Variants in CTAGE1 observed in about 807,000 individuals in gnomAD.
CTAGE1 encodes cTAGE family member 2.
For synonymous variants in CTAGE1, 332 were observed against 302.8 expected, an observed-to-expected ratio of 1.10 and a Z score of -1.00; for missense variants, 963 against 855.9, an observed-to-expected ratio of 1.13 and a Z score of -1.56.
Position 22,415,501 on chromosome 18 carries a change from G to C in CTAGE1, c.*73C>G. Reference sequence around the variant, plus strand: ...GGGCAAACATGTTGTTAGGTTTCTTGCTGTCGTTCTGGATGTTCAGCAGCA... The same window carrying C: ...GGGCAAACATGTTGTTAGGTTTCTTCCTGTCGTTCTGGATGTTCAGCAGCA... On this transcript the variant is annotated 3_prime_UTR_variant, in exon 1 of 1. Transcript: ENST00000391403. 1 of 1,245,142 alleles carries C rather than the reference G, an allele frequency of 8.0e-7. No homozygotes were observed. Among genetic ancestry groups the C allele is most frequent in the Non-Finnish European group, 1.1e-6 (1 of 885,694 alleles). The allele number at this position is 1,245,142 out of a possible 1,614,324, so 77.1% of individuals were successfully genotyped here. A position where few individuals can be genotyped will look rare whatever the true frequency, so the allele number is the denominator to read the frequency against.
Position 22,416,442 on chromosome 18 carries a change from A to C in CTAGE1, c.1370T>G (p.Leu457Ter). The part of the protein sequence containing the change: ...RKENAHNRQK[L>*]TEIEFKIKLL... ...TTTTATTTTAAACTCTATTTCAGTTAATTTTTGTCTGTTGTGAGCATTTTC... is the reference window on the plus strand; with the variant it reads ...TTTTATTTTAAACTCTATTTCAGTTCATTTTTGTCTGTTGTGAGCATTTTC... The change falls in exon 1 of 1, where the codon TTA becomes TGA. Residue 457 changes from leucine (L) to a stop codon, truncating the protein, a stop_gained. Transcript: ENST00000391403. LOFTEE classifies it low-confidence loss of function (END_TRUNC). 6.2e-7 allele frequency: 1 copy of C among 1,613,776 alleles called. No individual in the cohort carries two copies. Among genetic ancestry groups the C allele is most frequent in the African/African-American group, 1.3e-5 (1 of 74,970 alleles).
chr18:22,414,909 C>A lies in CTAGE1; in HGVS notation c.*665G>T, dbSNP rs2034992021. ...GGAAGGAAAGGGAGGGCGAAGAAACCATTCTTGAGGAAAACAGAGGAAACA... is the reference window on the plus strand; with the variant it reads ...GGAAGGAAAGGGAGGGCGAAGAAACAATTCTTGAGGAAAACAGAGGAAACA... On this transcript the variant is annotated 3_prime_UTR_variant, in exon 1 of 1. Transcript: ENST00000391403. The A allele has an allele frequency of 1.5e-6, 1 of 663,626 alleles. No individual in the cohort carries two copies. Among genetic ancestry groups the A allele is most frequent in the Non-Finnish European group, 2.7e-6 (1 of 371,436 alleles). The allele number at this position is 663,626 out of a possible 1,614,324, so 41.1% of individuals were successfully genotyped here.
At position 22,416,009 on chromosome 18, in the gene CTAGE1, A is replaced by T. The variant is rs557252098; in HGVS notation, c.1803T>A (p.Ala601=). The change falls in exon 1 of 1, where the codon GCT becomes GCA. Residue 601 remains alanine, a synonymous_variant. Coordinates refer to ENST00000391403, the MANE Select transcript of CTAGE1 (RefSeq NM_172241.3). The part of the protein sequence containing the change: ...QRQDRFYSNC[A]RLSGPAELRS... ...TGAGTTCTGCTGGTCCAGAGAGTCT[A>T]GCACAATTAGAATAAAATCTGTCTT... is the stretch of plus-strand genomic sequence containing the variant. The T allele has an allele frequency of 1.2e-6, 2 of 1,613,974 alleles. No individual in the cohort carries two copies. Among genetic ancestry groups the T allele is most frequent in the East Asian group, 2.2e-5 (1 of 44,878 alleles).
rs557602643 is a variant in CTAGE1 at position 22,416,559 on chromosome 18, T to C, written c.1253A>G (p.Tyr418Cys). The change falls in exon 1 of 1, where the codon TAT (tyrosine) becomes TGT (cysteine). Residue 418 changes from tyrosine to cysteine, a missense_variant. Coordinates refer to ENST00000391403, the MANE Select transcript of CTAGE1 (RefSeq NM_172241.3). Reference sequence around the variant, plus strand: ...CTCATGGAGAATAATCTTCTTTTGATAAAAATGAATAGTTTTCTCAAATTC... The same window carrying C: ...CTCATGGAGAATAATCTTCTTTTGACAAAAATGAATAGTTTTCTCAAATTC... ...LKEFEKTIHF[Y>C]QKKIILHEKK... 1 of 1,610,592 alleles carries C rather than the reference T, an allele frequency of 6.2e-7. No homozygotes were observed.
In CTAGE1 at chr18:22,416,949, T is replaced by C. The variant is rs773083330; in HGVS notation, c.863A>G (p.His288Arg). The C allele has an allele frequency of 6.2e-7, 1 of 1,614,058 alleles. No individual in the cohort carries two copies. Among genetic ancestry groups the C allele is most frequent in the South Asian group, 1.1e-5 (1 of 91,072 alleles). Residue 288 changes from histidine to arginine, a missense_variant, in exon 1 of 1, where the codon CAT (histidine) becomes CGT (arginine). Coordinates refer to ENST00000391403, the MANE Select transcript of CTAGE1 (RefSeq NM_172241.3). ...TAAGGAAGCATTTAACTTAGCAGCA[T>C]GAATCAGTTTCTTCAAAGCTCCTTT... ...PPKGALKKLI[H>R]AAKLNASLKT... is the part of the protein sequence containing the mutation.
rs1478935485 is a variant in CTAGE1 at position 22,414,670 on chromosome 18, A to G, written c.*904T>C. 3 of 702,580 alleles carry G rather than the reference A, an allele frequency of 4.3e-6. No individual in the cohort carries two copies. The African/African-American group carries it at 5.2e-5, about 12-fold the overall frequency. The allele number at this position is 702,580 out of a possible 1,614,324, so 43.5% of individuals were successfully genotyped here. A position where few individuals can be genotyped will look rare whatever the true frequency, so the allele number is the denominator to read the frequency against. On this transcript the variant is annotated 3_prime_UTR_variant, in exon 1 of 1. Transcript: ENST00000391403. The stretch of plus-strand genomic sequence containing the variant: ...TCCTTCCCCTTGCCACAGCAAGAGA[A>G]AAGCAGAACATAAAACTAAAACTAT...
In CTAGE1 at chr18:22,414,415, T is replaced by C; in HGVS notation, c.*1159A>G. 2.1e-6 allele frequency: 1 copy of C among 484,862 alleles called. No individual in the cohort carries two copies. The highest frequency in any genetic ancestry group is 3.6e-6 in the Non-Finnish European group (1 of 275,584). 30.0% of individuals were successfully genotyped at this position (484,862 alleles called of 1,614,324 possible). A position where few individuals can be genotyped will look rare whatever the true frequency, so the allele number is the denominator to read the frequency against. ...CATTCAAGCAGAGACTGGAGTGGCA[T>C]TAACTGCTAGGGGAGGCATGTGAGC... On this transcript the variant is annotated 3_prime_UTR_variant, in exon 1 of 1. Transcript: ENST00000391403.
chr18:22,414,464 G>A lies in CTAGE1; in HGVS notation c.*1110C>T. ...GCTAGGATGCTTTTTAAAAGTGAGG[G>A]CAGGTTGTCCCCAAAAGAAGCAATG... On this transcript the variant is annotated 3_prime_UTR_variant, in exon 1 of 1. Coordinates refer to ENST00000391403, the MANE Select transcript of CTAGE1 (RefSeq NM_172241.3). The A allele has an allele frequency of 1.8e-6, 1 of 569,616 alleles. No individual in the cohort carries two copies. The highest frequency in any genetic ancestry group is 3.1e-6 in the Non-Finnish European group (1 of 323,084). 35.3% of individuals were successfully genotyped at this position (569,616 alleles called of 1,614,324 possible).
chr18:22,415,266 G>T lies in CTAGE1; in HGVS notation c.*308C>A. On this transcript the variant is annotated 3_prime_UTR_variant, in exon 1 of 1. Transcript: ENST00000391403. ...CTCCCACCATTCTTTATATAATAGT[G>T]GATTAATCAAATTAAAAGTTATACT... 3.4e-6 allele frequency: 1 copy of T among 293,772 alleles called. No individual in the cohort carries two copies. The allele number at this position is 293,772 out of a possible 1,614,324, so 18.2% of individuals were successfully genotyped here.
rs2034982886 is a variant in CTAGE1, at chr18:22,414,264, A to G, written c.*1310T>C. ...TTCCACTAGCAAATAGGGCTTTAAC[A>G]GAACAGAAGCATAAAGTAGCTGAGG... On this transcript the variant is annotated 3_prime_UTR_variant, in exon 1 of 1. Transcript: ENST00000391403. 2 of 162,886 alleles carry G rather than the reference A, an allele frequency of 1.2e-5. No individual in the cohort carries two copies. The highest frequency in any genetic ancestry group is 1.9e-4 in the South Asian group (1 of 5,242). The allele number at this position is 162,886 out of a possible 1,614,324, so 10.1% of individuals were successfully genotyped here.
Position 22,415,874 on chromosome 18 carries a change from A to G in CTAGE1, c.1938T>C (p.Asp646=), listed in dbSNP as rs772549754. The G allele has an allele frequency of 5.0e-6, 8 of 1,613,968 alleles. No homozygotes were observed. The South Asian group carries it at 8.8e-5, about 18-fold the overall frequency. The change falls in exon 1 of 1, where the codon GAT becomes GAC. Residue 646 remains aspartate, a synonymous_variant. Coordinates refer to ENST00000391403, the MANE Select transcript of CTAGE1 (RefSeq NM_172241.3). ...KDNLGNLKVP[D]SSLPAENEAT... ...CTTCATTTTCAGCGGGGAGAGATGA[A>G]TCAGGCACCTTTAAATTACCAAGAT...
chr18:22,417,848 C>T lies in CTAGE1; in HGVS notation c.-37G>A. 1 of 1,604,016 alleles carries T rather than the reference C, an allele frequency of 6.2e-7. No individual in the cohort carries two copies. Among genetic ancestry groups the T allele is most frequent in the Non-Finnish European group, 8.5e-7 (1 of 1,170,974 alleles). On this transcript the variant is annotated 5_prime_UTR_variant, in exon 1 of 1. Transcript: ENST00000391403. ...GTGCTGCCACAACCCTGCGTAGCAACTCCAGGACCAGCCCCAGGTATGGCT... is the reference window on the plus strand; with the variant it reads ...GTGCTGCCACAACCCTGCGTAGCAATTCCAGGACCAGCCCCAGGTATGGCT...
At position 22,416,970 on chromosome 18, in the gene CTAGE1, C is replaced by A. The variant is rs1256322245; in HGVS notation, c.842G>T (p.Gly281Val). The stretch of plus-strand genomic sequence containing the variant: ...AGCATGAATCAGTTTCTTCAAAGCT[C>A]CTTTTGGAGGATTATCTAAGTAAGC... ...DGAYLDNPPK[G>V]ALKKLIHAAK... Residue 281 changes from glycine (G) to valine (V), a missense_variant, in exon 1 of 1, where the codon GGA becomes GTA. By Grantham distance (109) the Gly-to-Val change is moderately radical (BLOSUM62 -3). Coordinates refer to ENST00000391403, the MANE Select transcript of CTAGE1 (RefSeq NM_172241.3). The A allele has an allele frequency of 8.1e-6, 13 of 1,613,864 alleles. No individual in the cohort carries two copies. The East Asian group carries it at 2.9e-4, about 36-fold the overall frequency.
rs752845136 is a variant in CTAGE1 at position 22,417,275 on chromosome 18, T to C, written c.537A>G (p.Gln179=). ...GTTCAGAATTTTCTTTCCAAGCATCTTGTATTTCTATCTCCAACCGTTCTT... is the reference window on the plus strand; with the variant it reads ...GTTCAGAATTTTCTTTCCAAGCATCCTGTATTTCTATCTCCAACCGTTCTT... The part of the protein sequence containing the change: ...ANEERLEIEI[Q]DAWKENSELQ... The change falls in exon 1 of 1, where the codon CAA becomes CAG. Residue 179 remains glutamine, a synonymous_variant. Transcript: ENST00000391403. 7 of 1,613,994 alleles carry C rather than the reference T, an allele frequency of 4.3e-6. No homozygotes were observed. The highest frequency in any genetic ancestry group is 5.1e-6 in the Non-Finnish European group (6 of 1,179,864).
rs550906585 is a variant in CTAGE1, at chr18:22,415,118, T to A, written c.*456A>T. 68 of 233,508 alleles carry A rather than the reference T, an allele frequency of 2.9e-4. No individual in the cohort carries two copies. In the South Asian group the frequency reaches 9.4e-3, roughly 32 times the overall value. 14.5% of individuals were successfully genotyped at this position (233,508 alleles called of 1,614,324 possible). A position where few individuals can be genotyped will look rare whatever the true frequency, so the allele number is the denominator to read the frequency against. On this transcript the variant is annotated 3_prime_UTR_variant, in exon 1 of 1. Coordinates refer to ENST00000391403, the MANE Select transcript of CTAGE1 (RefSeq NM_172241.3). The stretch of plus-strand genomic sequence containing the variant: ...TTTTTTTAAATTTTTTAAATTTTTT[T>A]AATCAACTAAAACTTATTTAAGCAT...
chr18:22,417,712 T>G lies in CTAGE1; in HGVS notation c.100A>C (p.Arg34=). ...ACATAAAGCCGACTCGTAACTGATC[T>G]AAAACTTCTCCACAAGAAGAGAACA... is the stretch of plus-strand genomic sequence containing the variant. ...FAVLFLWRSF[R]SVTSRLYVRR... Residue 34 remains arginine (R), a synonymous_variant, in exon 1 of 1, where the codon AGA becomes CGA. Transcript: ENST00000391403. 3 of 1,614,154 alleles carry G rather than the reference T, an allele frequency of 1.9e-6. No homozygotes were observed. The highest frequency in any genetic ancestry group is 2.5e-6 in the Non-Finnish European group (3 of 1,179,994).
Position 22,416,819 on chromosome 18 carries a change from T to C in CTAGE1, c.993A>G (p.Gln331=), listed in dbSNP as rs919737656. The C allele has an allele frequency of 6.2e-7, 1 of 1,612,682 alleles. No individual in the cohort carries two copies. Among genetic ancestry groups the C allele is most frequent in the Non-Finnish European group, 8.5e-7 (1 of 1,179,830 alleles). The change falls in exon 1 of 1, where the codon CAA becomes CAG. Residue 331 remains glutamine (Q), a synonymous_variant. Transcript: ENST00000391403. ...GTGTGTTTTCTGACTGCAAAGATGC[T>C]TGTTCAGTCTGAAGATTTTTAATAT... ...TEHIKNLQTE[Q]ASLQSENTHF...
Position 22,417,485 on chromosome 18 carries a change from A to G in CTAGE1, c.327T>C (p.Ser109=), listed in dbSNP as rs1223524644. The G allele has an allele frequency of 6.2e-7, 1 of 1,614,010 alleles. No individual in the cohort carries two copies. Among genetic ancestry groups the G allele is most frequent in the African/African-American group, 1.3e-5 (1 of 75,046 alleles). Residue 109 remains serine, a synonymous_variant, in exon 1 of 1, where the codon TCT becomes TCC. Transcript: ENST00000391403. The part of the protein sequence containing the change: ...ATCEKLNRFN[S]ELVHEILCLE... ...GACAGAGTATTTCATGCACAAGTTC[A>G]GAATTGAACCTGTTCAGCTTTTCGC...
Position 22,414,468 on chromosome 18 carries a change from G to A in CTAGE1, c.*1106C>T. On this transcript the variant is annotated 3_prime_UTR_variant, in exon 1 of 1. Transcript: ENST00000391403. ...GGATGCTTTTTAAAAGTGAGGGCAG[G>A]TTGTCCCCAAAAGAAGCAATGGCTT... 1.7e-6 allele frequency: 1 copy of A among 573,320 alleles called. No homozygotes were observed. The highest frequency in any genetic ancestry group is 2.8e-5 in the East Asian group (1 of 35,280). The allele number at this position is 573,320 out of a possible 1,614,324, so 35.5% of individuals were successfully genotyped here.
Sources: allele counts gnomAD v4.1 joint callset, GRCh38; gene constraint gnomAD v4.1.1; transcripts MANE v1.5; gene names NCBI Gene and HGNC (gene_info 2026-07-23, HGNC 2026-07-21).